CNTNAP2: variants seen among roughly 807,000 people sequenced by gnomAD.
CNTNAP2 encodes the protein contactin associated protein 2.
A neutral mutation model predicts 155.2 loss-of-function variants in CNTNAP2; 98 were observed. That is an observed-to-expected ratio of 0.63 (90% CI 0.54 to 0.75). The LOEUF (loss-of-function observed/expected upper bound fraction) is 0.75. CNTNAP2 is among the 30% of genes least tolerant of loss of function. CNTNAP2 has a pLI of 0.00. For synonymous variants in CNTNAP2, 651 were observed against 631.2 expected (o/e 1.03, Z -0.47); for missense variants, 1,727 against 1,688.1 (o/e 1.02, Z -0.40).
At chr7:148,396,814 A>G (rs2116691907) in intron 22 of CNTNAP2, among the ~76,000 whole-genome samples, 1 of 152,366 alleles carries the variant, frequency 6.6e-6, no homozygotes, top group Non-Finnish European at 1.5e-5. Context: ...AGCAACGCTG[A>G]AAGACTTTTA....
intron 1 of CNTNAP2, among the ~76,000 whole-genome samples, chr7:146,298,837 G>A (rs917588647): frequency 6.6e-6 from 1 of 152,152 alleles, no homozygotes; most frequent in African/African-American, 2.4e-5. Flanking sequence ...ATTAATTTGA[G>A]GAATGGAAGA....
At chr7:147,629,100 A>G (rs1222658179) in intron 12 of CNTNAP2, among the ~76,000 whole-genome samples, 1 of 152,128 alleles carries the variant, frequency 6.6e-6, no homozygotes, top group Admixed American at 6.5e-5. Flanking sequence ...CGAGAAGTCA[A>G]CAAAGAAATA....
At chr7:148,123,432 A>G (rs1232552520) in intron 16 of CNTNAP2, among the ~76,000 whole-genome samples, 2 of 152,116 alleles carry the variant, frequency 1.3e-5, no homozygotes, top group Non-Finnish European at 2.9e-5. Flanking sequence ...TACAAAACTA[A>G]AAATAAAACA....
intron 8 of CNTNAP2, among the ~76,000 whole-genome samples, chr7:147,214,328 C>T (rs1803221575): frequency 6.6e-6 from 1 of 152,130 alleles, no homozygotes; most frequent in East Asian, 1.9e-4. Context: ...GTTCACACTG[C>T]ATAAGTTTGA....
intron 4 of CNTNAP2, 75 bp from the exon 5 acceptor site, chr7:147,108,072 C>A: frequency 1.3e-5 from 17 of 1,306,076 alleles, no homozygotes; most frequent in Non-Finnish European, 1.9e-5. Context: ...CTCATTTATT[C>A]TTTGCAGACA....
chr7:147,689,098 G>A (rs1796053596), intron 13 of CNTNAP2, among the ~76,000 whole-genome samples: 1 of 150,536 alleles, frequency 6.6e-6, no homozygotes, highest in South Asian at 2.1e-4. Flanking sequence ...TATTCCTGAA[G>A]TATTACAGGA....
At chr7:148,245,275 C>T (rs968770520) in intron 20 of CNTNAP2, among the ~76,000 whole-genome samples, 4 of 152,194 alleles carry the variant, frequency 2.6e-5, no homozygotes, top group Admixed American at 2.6e-4. Flanking sequence ...GACACAGTAA[C>T]TTAATCTCTG....
intron 13 of CNTNAP2, among the ~76,000 whole-genome samples, chr7:147,713,772 T>A (rs2079450162): frequency 6.6e-6 from 1 of 152,136 alleles, no homozygotes; most frequent in South Asian, 2.1e-4. Context: ...GAATGACAGA[T>A]CCAGTTGCTC....
intron 1 of CNTNAP2, among the ~76,000 whole-genome samples, chr7:146,647,728 C>G (rs1483973041): frequency 1.3e-5 from 2 of 152,116 alleles, no homozygotes; most frequent in African/African-American, 2.4e-5. Context: ...CCGTTTTGAC[C>G]TTCTTGATCC....
chr7:147,860,493 G>A (rs532165472), intron 13 of CNTNAP2, among the ~76,000 whole-genome samples: 17 of 151,436 alleles, frequency 1.1e-4, no homozygotes, highest in African/African-American at 4.1e-4. Context: ...GGGAAGCTGA[G>A]GCATGAGAAT....
rs1271061333 is a variant in CNTNAP2 at position 147,296,257 on chromosome 7, C to A, written c.1349-3884C>A. 3.9e-5 allele frequency among the ~76,000 whole-genome samples: 6 copies of A among 152,110 alleles called. No individual in the cohort carries two copies. The East Asian group carries it at 7.7e-4, about 20-fold the overall frequency. On this transcript the variant is annotated intron_variant, in intron 8 of 23. Transcript: ENST00000361727. ...AATTATAAAGACAAAAATCAAAAAA[C>A]CATGCAGTCCTATAGTTAATCAACA...
At chr7:146,681,656 A>G (rs1179177576) in intron 1 of CNTNAP2, among the ~76,000 whole-genome samples, 4 of 71,214 alleles carry the variant, frequency 5.6e-5, no homozygotes, top group African/African-American at 1.6e-4. Context: ...GGAATGGGAA[A>G]AATAACTAAA....
intron 13 of CNTNAP2, among the ~76,000 whole-genome samples, chr7:147,722,304 T>C (rs1300752148): frequency 6.6e-6 from 1 of 152,174 alleles, no homozygotes; most frequent in Non-Finnish European, 1.5e-5. Flanking sequence ...CAATATGCTC[T>C]TTCAGCAGCA....
At chr7:147,628,498 C>T (rs1013751600) in intron 12 of CNTNAP2, among the ~76,000 whole-genome samples, 2 of 152,092 alleles carry the variant, frequency 1.3e-5, no homozygotes, top group Non-Finnish European at 2.9e-5. Flanking sequence ...AATCTTGAAA[C>T]ACACCAAAAT....
rs186979701 is a variant in CNTNAP2, at chr7:147,273,356, A to C, written c.1349-26785A>C. On this transcript the variant is annotated intron_variant, in intron 8 of 23. Transcript: ENST00000361727. The stretch of plus-strand genomic sequence containing the variant: ...TATATACTGAAGAGCAACATCTTTA[A>C]TTTTTATTATTTTTATTTTAGATTC... Among the ~76,000 whole-genome samples, 254 of 152,124 alleles carry C rather than the reference A, an allele frequency of 1.7e-3. 3 individuals are homozygous for C. The highest frequency in any genetic ancestry group is 5.9e-3 in the African/African-American group (243 of 41,492).
intron 13 of CNTNAP2, among the ~76,000 whole-genome samples, chr7:147,835,892 G>T (rs187193027): frequency 6.6e-6 from 1 of 152,260 alleles, no homozygotes; most frequent in Non-Finnish European, 1.5e-5. Context: ...GACCAAGAAT[G>T]CCAGGAGCCA....
intron 12 of CNTNAP2, among the ~76,000 whole-genome samples, chr7:147,616,869 T>C (rs1801303339): frequency 6.6e-6 from 1 of 152,192 alleles, no homozygotes; most frequent in African/African-American, 2.4e-5. Context: ...ACTAGATATA[T>C]CTTTTCAATA....
chr7:148,016,130 C>G (rs1284573179), intron 15 of CNTNAP2, among the ~76,000 whole-genome samples: 1 of 152,210 alleles, frequency 6.6e-6, no homozygotes, highest in Non-Finnish European at 1.5e-5. Flanking sequence ...GCAATTCGGG[C>G]ACCAGTTTTG....
chr7:146,738,376 T>A (rs924717325), intron 1 of CNTNAP2, among the ~76,000 whole-genome samples: 7 of 152,040 alleles, frequency 4.6e-5, no homozygotes, highest in Non-Finnish European at 8.8e-5. Flanking sequence ...TTGTTGCTGT[T>A]GACTTGTTTG....
Sources: gnomAD v4.1 joint callset for allele counts (sites outside exome capture counted in the v4.1 genomes callset) on GRCh38, gnomAD v4.1.1 for gene constraint, MANE v1.5 for transcripts, NCBI Gene and HGNC (gene_info 2026-07-23, HGNC 2026-07-21) for gene names.